CDH9: variants seen among roughly 807,000 people sequenced by gnomAD.
CDH9 encodes the protein cadherin 9.
A neutral mutation model predicts 70.9 loss-of-function variants in CDH9; 28 were observed. The observed-to-expected ratio is 0.40, with a 90% CI of 0.29 to 0.54. The LOEUF is 0.54. Ranked by LOEUF, CDH9 falls within the 20% of genes least tolerant of loss-of-function variation. CDH9 has a pLI of 0.59. For synonymous variants in CDH9, 409 were observed against 343.1 expected, an observed-to-expected ratio of 1.19 and a Z score of -2.12; for missense variants, 874 against 984.4, an observed-to-expected ratio of 0.89 and a Z score of 1.50.
intron 2 of CDH9, among the ~76,000 whole-genome samples, chr5:26,962,447 A>G (rs1256016046): frequency 6.6e-6 from 1 of 152,176 alleles, no homozygotes; most frequent in East Asian, 1.9e-4. Flanking sequence ...AACAGTGTAA[A>G]AGCATTCCTA....
chr5:26,981,046 A>G (rs1265861518), intron 2 of CDH9, among the ~76,000 whole-genome samples: 1 of 152,124 alleles, frequency 6.6e-6, no homozygotes, highest in East Asian at 1.9e-4. Flanking sequence ...CCATGTCGGT[A>G]CATTGGTTTT....
At chr5:26,920,503 T>C (rs1359519686) in intron 2 of CDH9, among the ~76,000 whole-genome samples, 2 of 151,870 alleles carry the variant, frequency 1.3e-5, no homozygotes, top group African/African-American at 4.8e-5. Flanking sequence ...TTTAGAGCAC[T>C]CCAAACTTGA....
chr5:26,960,881 A>G (rs778769646), intron 2 of CDH9, among the ~76,000 whole-genome samples: 1 of 152,082 alleles, frequency 6.6e-6, no homozygotes, highest in Non-Finnish European at 1.5e-5. Flanking sequence ...ATAATACTTT[A>G]AAACATATAA....
intron 6 of CDH9, 60 bp from the exon 7 acceptor site, chr5:26,902,789 G>T: frequency 4.0e-6 from 4 of 1,006,850 alleles, no homozygotes; most frequent in Non-Finnish European, 4.4e-6. Flanking sequence ...AATGAAAGAC[G>T]ATTTCAAATT....
chr5:26,975,012 T>C (rs1742281721), intron 2 of CDH9, among the ~76,000 whole-genome samples: 1 of 152,136 alleles, frequency 6.6e-6, no homozygotes, highest in Non-Finnish European at 1.5e-5. Flanking sequence ...CCCATATCTG[T>C]TATATACATA....
chr5:26,882,389 G>C (rs1451082589), intron 11 of CDH9, among the ~76,000 whole-genome samples: 1 of 151,918 alleles, frequency 6.6e-6, no homozygotes, highest in Admixed American at 6.6e-5. Flanking sequence ...TCTATTTGCT[G>C]TATTATTTTT....
intron 1 of CDH9, among the ~76,000 whole-genome samples, chr5:26,999,952 C>T (rs1400160023): frequency 6.6e-6 from 1 of 151,812 alleles, no homozygotes; most frequent in Non-Finnish European, 1.5e-5. Flanking sequence ...AGAAAAAACT[C>T]AAAATGCCAA....
chr5:26,934,484 G>C (rs1467685631), intron 2 of CDH9, among the ~76,000 whole-genome samples: 1 of 151,940 alleles, frequency 6.6e-6, no homozygotes, highest in African/African-American at 2.4e-5. Flanking sequence ...AAAATAGTAA[G>C]AACTCATTCA....
intron 2 of CDH9, among the ~76,000 whole-genome samples, chr5:26,976,717 T>C (rs1249611644): frequency 1.3e-5 from 2 of 152,172 alleles, no homozygotes; most frequent in Non-Finnish European, 2.9e-5. Context: ...TCTCCATATA[T>C]TGCTTCCTTT....
intron 3 of CDH9, among the ~76,000 whole-genome samples, chr5:26,913,092 G>A (rs765975171): frequency 5.3e-5 from 8 of 151,884 alleles, no homozygotes; most frequent in South Asian, 4.1e-4. Context: ...TCCCAGTCTC[G>A]GATATGACTT....
At chr5:27,027,952 G>A (rs574298630) in intron 1 of CDH9, among the ~76,000 whole-genome samples, 1 of 152,172 alleles carries the variant, frequency 6.6e-6, no homozygotes, top group African/African-American at 2.4e-5. Context: ...TAACATGAAA[G>A]CTGTAGTCTT....
At chr5:26,884,339 T>A (rs566625458) in intron 11 of CDH9, among the ~76,000 whole-genome samples, 4 of 152,286 alleles carry the variant, frequency 2.6e-5, no homozygotes, top group African/African-American at 9.6e-5. Context: ...ATAGAAATTT[T>A]AAAAATGATC....
intron 1 of CDH9, among the ~76,000 whole-genome samples, chr5:27,004,213 G>A (rs1258846836): frequency 6.6e-6 from 1 of 151,722 alleles, no homozygotes; most frequent in Non-Finnish European, 1.5e-5. Context: ...AATGGGAACA[G>A]CATTCCAGAG....
chr5:26,959,102 T>C (rs1741991845), intron 2 of CDH9, among the ~76,000 whole-genome samples: 1 of 152,136 alleles, frequency 6.6e-6, no homozygotes, highest in African/African-American at 2.4e-5. Context: ...TTGCAAAACA[T>C]ATATCTTACA....
At chr5:27,027,400 G>A (rs1743237878) in intron 1 of CDH9, among the ~76,000 whole-genome samples, 1 of 151,788 alleles carries the variant, frequency 6.6e-6, no homozygotes, top group Admixed American at 6.6e-5. Context: ...TATATGGTGG[G>A]TCTCAATACC....
intron 1 of CDH9, among the ~76,000 whole-genome samples, chr5:27,023,057 C>T (rs1200210899): frequency 6.6e-6 from 1 of 151,930 alleles, no homozygotes; most frequent in Non-Finnish European, 1.5e-5. Flanking sequence ...CCTTAGATGT[C>T]TTCTAGCCTC....
chr5:26,999,788 T>G (rs1742732110), intron 1 of CDH9, among the ~76,000 whole-genome samples: 1 of 152,142 alleles, frequency 6.6e-6, no homozygotes, highest in Non-Finnish European at 1.5e-5. Context: ...TTTTTCCAAC[T>G]GTATAGGAGG....
chr5:26,925,413 A>C (rs1163860880), intron 2 of CDH9, among the ~76,000 whole-genome samples: 1 of 151,926 alleles, frequency 6.6e-6, no homozygotes, highest in Non-Finnish European at 1.5e-5. Flanking sequence ...TTATTCTTGT[A>C]AGTTTGTTTA....
chr5:26,949,288 T>C (rs904664382), intron 2 of CDH9, among the ~76,000 whole-genome samples: 8 of 152,156 alleles, frequency 5.3e-5, no homozygotes, highest in African/African-American at 1.9e-4. Flanking sequence ...GGGGCACTGA[T>C]AGGTGTTAGT....
Sources: allele counts gnomAD v4.1 joint callset (sites outside exome capture counted in the v4.1 genomes callset), GRCh38; gene constraint gnomAD v4.1.1; transcripts MANE v1.5; gene names NCBI Gene and HGNC (gene_info 2026-07-23, HGNC 2026-07-21).